Variants in MYBPC1 observed in about 807,000 individuals in gnomAD.
MYBPC1 encodes the protein myosin-binding protein C, slow-type.
In MYBPC1, 52 loss-of-function variants were observed where a neutral mutation model predicts 147.1. The observed-to-expected ratio is 0.35, with a 90% CI of 0.28 to 0.45. MYBPC1 has a LOEUF of 0.45. Ranked by LOEUF, MYBPC1 falls within the 20% of genes least tolerant of loss-of-function variation. The pLI is 1.00. For synonymous variants in MYBPC1, 477 were observed against 475.9 expected (o/e 1.00, Z -0.03); for missense variants, 1,228 against 1,440.3 (o/e 0.85, Z 2.39).
chr12:101,617,189 A>G lies in MYBPC1; in HGVS notation c.62-13A>G, dbSNP rs765393825. 5 of 1,613,688 alleles carry G rather than the reference A, an allele frequency of 3.1e-6. No individual in the cohort carries two copies. The highest frequency in any genetic ancestry group is 1.1e-5 in the South Asian group (1 of 91,038). On this transcript the variant is annotated splice_polypyrimidine_tract_variant and intron_variant, in intron 2 of 31. Transcript: ENST00000361466. ...AAGGCACTTTAAAAAATATGCTTGT[A>G]CTTTCTACACAGAACCAAGTAAAGA...
chr12:101,617,388 A>G (rs1363764841), intron 3 of MYBPC1, 145 bp downstream of exon 3: 1 of 816,594 alleles, frequency 1.2e-6, no homozygotes, highest in Non-Finnish European at 2.0e-6. Context: ...AGTCCCAATC[A>G]GTATAATGAC....
At chr12:101,613,377 C>T (rs1288293067) in intron 1 of MYBPC1, among the ~76,000 whole-genome samples, 1 of 152,196 alleles carries the variant, frequency 6.6e-6, no homozygotes, top group Non-Finnish European at 1.5e-5. Flanking sequence ...TGGAAAATCC[C>T]ATATGCTGAC....
intron 3 of MYBPC1, among the ~76,000 whole-genome samples, chr12:101,624,671 C>T (rs1888143041): frequency 7.3e-6 from 1 of 137,284 alleles, no homozygotes; most frequent in African/African-American, 2.8e-5. Context: ...AATATACAAG[C>T]CCGGCTAATT....
In MYBPC1 at chr12:101,661,896, C is replaced by CAAAA. The variant is rs66873575; in HGVS notation, c.2033-446_2033-443dup. ...TGGGCAACAGAGTGAGACTCTGTCTCAAAAAAAAAAAAAAAAAAAGAAAGA... is the reference window on the plus strand; with the variant it reads ...TGGGCAACAGAGTGAGACTCTGTCTCAAAAAAAAAAAAAAAAAAAAAAAGAAAGA... On this transcript the variant is annotated intron_variant, in intron 20 of 31. Coordinates refer to ENST00000361466, the MANE Select transcript of MYBPC1 (RefSeq NM_002465.4). Among the ~76,000 whole-genome samples, 65 of 82,984 alleles carry CAAAA rather than the reference C, an allele frequency of 7.8e-4. 1 individual carries two copies. Among genetic ancestry groups the CAAAA allele is most frequent in the East Asian group, 5.7e-3 (17 of 2,966 alleles). 54.4% of individuals were successfully genotyped at this position (82,984 alleles called of 152,430 possible). A position where few individuals can be genotyped will look rare whatever the true frequency, so the allele number is the denominator to read the frequency against.
intron 3 of MYBPC1, among the ~76,000 whole-genome samples, chr12:101,626,272 G>T (rs1888590991): frequency 6.6e-6 from 1 of 151,920 alleles, no homozygotes; most frequent in Non-Finnish European, 1.5e-5. Context: ...GACATATTTT[G>T]AATTTCACAA....
At chr12:101,663,971 T>C (rs1897011831) in intron 22 of MYBPC1, among the ~76,000 whole-genome samples, 1 of 152,148 alleles carries the variant, frequency 6.6e-6, no homozygotes, top group African/African-American at 2.4e-5. Flanking sequence ...CTATTTTGGG[T>C]AATAAAGGGA....
chr12:101,652,641 T>C (rs772897670), intron 16 of MYBPC1, 37 bp from the exon 17 acceptor site: 9 of 1,456,630 alleles, frequency 6.2e-6, no homozygotes, highest in Non-Finnish European at 8.7e-6. Context: ...AACTAGATCT[T>C]TGGAGTCTTA....
chr12:101,622,130 C>T (rs543254506), intron 3 of MYBPC1, among the ~76,000 whole-genome samples: 6 of 152,102 alleles, frequency 3.9e-5, no homozygotes, highest in East Asian at 1.9e-4. Flanking sequence ...ATCATCACCA[C>T]GTTTAGATAG....
chr12:101,633,977 A>T (rs1277245832), intron 8 of MYBPC1, among the ~76,000 whole-genome samples: 1 of 149,528 alleles, frequency 6.7e-6, no homozygotes, highest in Non-Finnish European at 1.5e-5. Flanking sequence ...GCTCACTGCG[A>T]GCTCCGCCTC....
rs564314887 is a variant in MYBPC1 at position 101,597,393 on chromosome 12, G to C, written c.25+2298G>C. On this transcript the variant is annotated intron_variant, in intron 1 of 31. Transcript: ENST00000361466. ...CTTAATAGGACACATGAGCTGGTTTGGCCCTCCTAGGATCCAGGAGGATCT... is the reference window on the plus strand; with the variant it reads ...CTTAATAGGACACATGAGCTGGTTTCGCCCTCCTAGGATCCAGGAGGATCT... Among the ~76,000 whole-genome samples, 5 of 152,144 alleles carry C rather than the reference G, an allele frequency of 3.3e-5. No homozygotes were observed. The East Asian group carries it at 9.6e-4, about 29-fold the overall frequency.
intron 19 of MYBPC1, chr12:101,660,331 G>A (rs538590616): frequency 1.1e-3 from 186 of 174,284 alleles, no homozygotes; most frequent in African/African-American, 4.3e-3. Context: ...ATTGTGACTC[G>A]CCATTTTTGA....
intron 1 of MYBPC1, among the ~76,000 whole-genome samples, chr12:101,600,909 C>T (rs991256126): frequency 1.3e-5 from 2 of 152,144 alleles, no homozygotes; most frequent in African/African-American, 4.8e-5. Context: ...ATGTGTGTAC[C>T]TGAGAGCATG....
chr12:101,681,021 C>T (rs1566018318), intron 29 of MYBPC1, among the ~76,000 whole-genome samples: 1 of 150,690 alleles, frequency 6.6e-6, no homozygotes. Flanking sequence ...TTTGATATTA[C>T]ACATATAGAA....
chr12:101,691,604 T>A, the MYBPC1 span, among the ~76,000 whole-genome samples: 2 of 152,260 alleles, frequency 1.3e-5, no homozygotes, highest in South Asian at 2.1e-4. Flanking sequence ...ATCAAGATGT[T>A]CTTTCTCCTT....
intron 16 of MYBPC1, among the ~76,000 whole-genome samples, chr12:101,652,194 T>C (rs1894610339): frequency 6.6e-6 from 1 of 152,180 alleles, no homozygotes; most frequent in South Asian, 2.1e-4. Flanking sequence ...GAAAATTCTA[T>C]GTGTACAAAA....
intron 18 of MYBPC1, among the ~76,000 whole-genome samples, chr12:101,654,034 T>C (rs1895076512): frequency 6.6e-6 from 1 of 151,842 alleles, no homozygotes; most frequent in Admixed American, 6.6e-5. Context: ...AGAAACCCCA[T>C]CTCTACTAAA....
At position 101,642,578 on chromosome 12, in the gene MYBPC1, G is replaced by T; in HGVS notation, c.825G>T (p.Lys275Asn). 1 of 1,609,368 alleles carries T rather than the reference G, an allele frequency of 6.2e-7. No homozygotes were observed. The highest frequency in any genetic ancestry group is 8.5e-7 in the Non-Finnish European group (1 of 1,178,078). ...RLKRMRREEK[K>N]SAAFAKILDP... The stretch of plus-strand genomic sequence containing the variant: ...AGCGCATGCGCAGAGAGGAGAAGAA[G>T]AGCGCAGGTGAGCGCTCCCGGGGGC... Residue 275 changes from lysine (K) to asparagine (N), a missense_variant, in exon 11 of 32, where the codon AAG (lysine) becomes AAT (asparagine). Lys to Asn is a moderately conservative substitution (Grantham distance 94). This residue lies in a region of MYBPC1 where 1,077 missense variants were observed against 1,314.2 expected (regional missense o/e 0.82). Transcript: ENST00000361466.
chr12:101,658,086 G>T (rs1895876117), intron 18 of MYBPC1, among the ~76,000 whole-genome samples: 1 of 146,930 alleles, frequency 6.8e-6, no homozygotes, highest in Non-Finnish European at 1.5e-5. Flanking sequence ...AGCCGAGATC[G>T]CGCCAACACA....
At position 101,661,182 on chromosome 12, in the gene MYBPC1, C is replaced by T. The variant is rs376621567; in HGVS notation, c.1952C>T (p.Pro651Leu). ...VVDFPDPPVA[P>L]TVTEVGDDWC... ...GACTTCCCTGATCCTCCAGTGGCAC[C>T]GACTGTGACAGAGGTGGGAGATGAC... Residue 651 changes from proline (P) to leucine (L), a missense_variant, in exon 20 of 32, where the codon CCG becomes CTG. By Grantham distance (98) the Pro-to-Leu change is moderately conservative. Coordinates refer to ENST00000361466, the MANE Select transcript of MYBPC1 (RefSeq NM_002465.4). 1.2e-5 allele frequency: 20 copies of T among 1,613,452 alleles called. No individual in the cohort carries two copies. The highest frequency in any genetic ancestry group is 2.7e-5 in the African/African-American group (2 of 74,880).
Sources: allele counts gnomAD v4.1 joint callset (sites outside exome capture counted in the v4.1 genomes callset), GRCh38; gene constraint gnomAD v4.1.1; regional missense constraint gnomAD v4.1.1; transcripts MANE v1.5; gene names NCBI Gene and HGNC (gene_info 2026-07-23, HGNC 2026-07-21).